NOS1: variants seen among roughly 807,000 people sequenced by gnomAD.
NOS1 encodes the protein NOS type I.
A neutral mutation model predicts 164.5 loss-of-function variants in NOS1; 51 were observed. That is an observed-to-expected ratio of 0.31 (90% CI 0.25 to 0.39). The LOEUF is 0.39. NOS1 is among the 10% of genes least tolerant of loss of function. The probability of loss-of-function intolerance (pLI) is 1.00; values close to 1 mark genes in which losing one functional copy is unlikely to be tolerated. For synonymous variants in NOS1, 719 were observed against 745.8 expected, an observed-to-expected ratio of 0.96 and a Z score of 0.59; for missense variants, 1,362 against 1,885.6, an observed-to-expected ratio of 0.72 and a Z score of 5.14.
intron 2 of NOS1, among the ~76,000 whole-genome samples, chr12:117,325,621 G>T (rs114276809): frequency 6.6e-6 from 1 of 152,138 alleles, no homozygotes. Context: ...GTATAAACAC[G>T]GCTTTAAAAC....
chr12:117,258,252 A>G, intron 16 of NOS1, 145 bp downstream of exon 16: 2 of 770,272 alleles, frequency 2.6e-6, no homozygotes, highest in Non-Finnish European at 4.4e-6. Context: ...AGTAGACTGC[A>G]GACACCTCAC....
intron 9 of NOS1, among the ~76,000 whole-genome samples, chr12:117,275,137 C>T (rs1381724094): frequency 1.3e-5 from 2 of 151,946 alleles, no homozygotes; most frequent in Non-Finnish European, 2.9e-5. Flanking sequence ...TTATGTACCG[C>T]ATAAATATAT....
At chr12:117,355,623 CTGCA>C (rs1876821015) in intron 1 of NOS1, among the ~76,000 whole-genome samples, 2 of 152,132 alleles carry the variant, frequency 1.3e-5, no homozygotes, top group African/African-American at 4.8e-5. Context: ...CAGAACATAT[CTGCA>C]GGTCTCTGAA....
At chr12:117,316,270 CT>C (rs1593017098) in intron 2 of NOS1, among the ~76,000 whole-genome samples, 1 of 152,050 alleles carries the variant, frequency 6.6e-6, no homozygotes, top group African/African-American at 2.4e-5. Context: ...GAAGTCTACA[CT>C]CAGATACTTT....
rs774946079 is a variant in NOS1, at chr12:117,272,051, G to T, written c.1839+334C>A. ...ACCAGACACATTTCCCAGCCCTGCTGCCGGCTAGCTGTGTGACCTTGAGCT... is the reference window on the plus strand; with the variant it reads ...ACCAGACACATTTCCCAGCCCTGCTTCCGGCTAGCTGTGTGACCTTGAGCT... On this transcript the variant is annotated intron_variant, in intron 10 of 28. Transcript: ENST00000317775. The surrounding 1 kb of genome is among the most constrained non-coding windows in gnomAD (Gnocchi z 4.3). Among the ~76,000 whole-genome samples the T allele has an allele frequency of 6.6e-6, 1 of 152,176 alleles. No individual in the cohort carries two copies. Among genetic ancestry groups the T allele is most frequent in the Non-Finnish European group, 1.5e-5 (1 of 68,040 alleles).
chr12:117,253,212 C>A (rs1323635617), intron 17 of NOS1, among the ~76,000 whole-genome samples: 1 of 152,122 alleles, frequency 6.6e-6, no homozygotes, highest in East Asian at 1.9e-4. Context: ...TGTATTAGTA[C>A]ACTGCAAACC....
chr12:117,328,423 C>T (rs1039278089), intron 2 of NOS1, among the ~76,000 whole-genome samples: 1 of 152,212 alleles, frequency 6.6e-6, no homozygotes, highest in African/African-American at 2.4e-5. Flanking sequence ...CTCGTCTCAG[C>T]CTCCCAAAGT....
At chr12:117,338,608 TATA>T (rs1055300716) in intron 1 of NOS1, among the ~76,000 whole-genome samples, 2 of 151,900 alleles carry the variant, frequency 1.3e-5, no homozygotes, top group East Asian at 1.9e-4. Context: ...AAACTTAAAG[TATA>T]ATAATAATAA....
Position 117,277,944 on chromosome 12 carries a change from G to C in NOS1, c.1664+15C>G. On this transcript the variant is annotated intron_variant, in intron 9 of 28. Transcript: ENST00000317775. ...ACCCACTCACCCTCTCCCACCCCTT[G>C]CCAGTCCCTCTTACTTGGGGTGCCT... 4 of 1,606,342 alleles carry C rather than the reference G, an allele frequency of 2.5e-6. No individual in the cohort carries two copies. Among genetic ancestry groups the C allele is most frequent in the Non-Finnish European group, 2.6e-6 (3 of 1,174,414 alleles).
At chr12:117,315,271 T>C (rs1015660000) in intron 2 of NOS1, among the ~76,000 whole-genome samples, 1 of 152,136 alleles carries the variant, frequency 6.6e-6, no homozygotes, top group South Asian at 2.1e-4. Flanking sequence ...TGGCGTGATC[T>C]TGGCTCACTG....
intron 3 of NOS1, among the ~76,000 whole-genome samples, chr12:117,299,360 C>T (rs1023556477): frequency 2.6e-5 from 4 of 152,062 alleles, no homozygotes; most frequent in Non-Finnish European, 5.9e-5. Flanking sequence ...CATTGCTGGC[C>T]GGGCGCGGTG....
At chr12:117,246,470 T>C (rs9658466) in intron 18 of NOS1, among the ~76,000 whole-genome samples, 14,722 of 152,148 alleles carry the variant, frequency 0.097, 2,161 homozygotes, top group African/African-American at 0.32. Flanking sequence ...TAGGTATAAA[T>C]GTAATTCATA....
At chr12:117,313,577 T>C (rs904785141) in intron 2 of NOS1, among the ~76,000 whole-genome samples, 1 of 152,136 alleles carries the variant, frequency 6.6e-6, no homozygotes, top group Admixed American at 6.6e-5. Context: ...ATTACAGGTA[T>C]GAGCCACCAT....
At chr12:117,289,676 T>A (rs1202757377) in intron 4 of NOS1, among the ~76,000 whole-genome samples, 1 of 152,210 alleles carries the variant, frequency 6.6e-6, no homozygotes, top group African/African-American at 2.4e-5. Flanking sequence ...CACTCTTTTT[T>A]ACAGACTAAG....
intron 3 of NOS1, chr12:117,305,000 C>A: frequency 2.0e-6 from 2 of 985,360 alleles, no homozygotes; most frequent in Non-Finnish European, 2.4e-6. Context: ...TTTGCCCAGT[C>A]CTTGGCAGTT....
intron 4 of NOS1, 117 bp from the exon 5 acceptor site, chr12:117,288,336 G>A (rs1200354172): frequency 2.4e-5 from 23 of 939,138 alleles, no homozygotes; most frequent in Non-Finnish European, 3.2e-5. Context: ...AATTCCCAGA[G>A]GCAGTTTCTC....
intron 2 of NOS1, among the ~76,000 whole-genome samples, chr12:117,328,213 C>T (rs914496656): frequency 1.6e-4 from 25 of 152,124 alleles, no homozygotes; most frequent in African/African-American, 5.8e-4. Flanking sequence ...CTCTGTGGTC[C>T]AGGCTGGAGT....
intron 2 of NOS1, among the ~76,000 whole-genome samples, chr12:117,321,668 T>C (rs1448522582): frequency 6.6e-6 from 1 of 152,160 alleles, no homozygotes; most frequent in African/African-American, 2.4e-5. Flanking sequence ...GCTAAGTTAC[T>C]GGGCTTAGTT....
At chr12:117,318,518 CA>C (rs1460818615) in intron 2 of NOS1, among the ~76,000 whole-genome samples, 1 of 152,218 alleles carries the variant, frequency 6.6e-6, no homozygotes. Flanking sequence ...ATACCCAAGC[CA>C]AAAGTTGCTC....
Sources: gnomAD v4.1 joint callset for allele counts (sites outside exome capture counted in the v4.1 genomes callset) on GRCh38, gnomAD v4.1.1 for gene constraint, Gnocchi (gnomAD v3.1) non-coding constraint, MANE v1.5 for transcripts, NCBI Gene and HGNC (gene_info 2026-07-23, HGNC 2026-07-21) for gene names.